Variants in HNF4G observed in about 807,000 individuals in gnomAD.
HNF4G encodes the protein hepatocyte nuclear factor 4 gamma.
A neutral mutation model predicts 50.9 loss-of-function variants in HNF4G; 21 were observed. The observed-to-expected ratio is 0.41, with a 90% CI of 0.29 to 0.59. The LOEUF (loss-of-function observed/expected upper bound fraction) is 0.59. Ranked by LOEUF, HNF4G falls within the 20% of genes least tolerant of loss-of-function variation. The pLI, the probability that HNF4G is intolerant of heterozygous loss-of-function variation, is 0.26. For synonymous variants in HNF4G, 198 were observed against 185.6 expected, an observed-to-expected ratio of 1.07 and a Z score of -0.54; for missense variants, 527 against 559.4, an observed-to-expected ratio of 0.94 and a Z score of 0.58.
chr8:75,527,203 G>T (rs543438503), intron 2 of HNF4G: 5 of 152,266 alleles, frequency 3.3e-5, no homozygotes, highest in African/African-American at 1.2e-4. Context: ...GAGCAAAACG[G>T]CTATGATGTG....
At chr8:75,408,955 A>G (rs1431316543) in intron 1 of HNF4G, among the ~76,000 whole-genome samples, 1 of 152,170 alleles carries the variant, frequency 6.6e-6, no homozygotes, top group Non-Finnish European at 1.5e-5. Context: ...TCTCTTTAGA[A>G]GCGGTTATTT....
At chr8:75,442,323 T>A (rs947925057) in intron 1 of HNF4G, among the ~76,000 whole-genome samples, 7 of 151,454 alleles carry the variant, frequency 4.6e-5, no homozygotes, top group Non-Finnish European at 1.0e-4. Flanking sequence ...TGAACACATA[T>A]TAAATATTCT....
intron 2 of HNF4G, among the ~76,000 whole-genome samples, chr8:75,533,784 CA>C (rs1236898874): frequency 4.6e-5 from 7 of 151,902 alleles, no homozygotes; most frequent in African/African-American, 1.7e-4. Flanking sequence ...AATCAAATAT[CA>C]CATTAAAATG....
chr8:75,454,218 A>T (rs1215876915), intron 1 of HNF4G, among the ~76,000 whole-genome samples: 2 of 152,052 alleles, frequency 1.3e-5, no homozygotes, highest in Admixed American at 1.3e-4. Context: ...ACCAGAACTC[A>T]ATTCTGCTAG....
In HNF4G at chr8:75,558,526, T is replaced by C. The variant is rs749484382; in HGVS notation, c.742T>C (p.Tyr248His). 4 of 1,609,682 alleles carry C rather than the reference T, an allele frequency of 2.5e-6. No individual in the cohort carries two copies. Among genetic ancestry groups the C allele is most frequent in the Middle Eastern group, 1.7e-4 (1 of 6,026 alleles). Residue 248 changes from tyrosine (Y) to histidine (H), a missense_variant, in exon 7 of 10, where the codon TAT becomes CAT. By Grantham distance (83) the Tyr-to-His change is moderately conservative. Around this residue, in one of 5 missense-constraint regions of HNF4G, gnomAD observed 308 missense variants for 301.5 expected, o/e 1.02. Coordinates refer to ENST00000396423, the MANE Select transcript of HNF4G (RefSeq NM_004133.5). ...TGTTTTCTCTCTCATAGGAAACAAC[T>C]ATGTTATTCACCGCAACAGCTGTGA... ...YKDILLLGNN[Y>H]VIHRNSCEVE...
At chr8:75,431,650 C>T (rs116877301) in intron 1 of HNF4G, among the ~76,000 whole-genome samples, 2,283 of 152,042 alleles carry the variant, frequency 0.015, 28 homozygotes, top group Middle Eastern at 0.034. Flanking sequence ...TGCTAAGGCC[C>T]GGCACAGTGG....
chr8:75,439,092 A>G (rs1811210136), intron 1 of HNF4G, among the ~76,000 whole-genome samples: 1 of 152,100 alleles, frequency 6.6e-6, no homozygotes, highest in African/African-American at 2.4e-5. Context: ...AATTACAAAC[A>G]ATCTTAAAAT....
chr8:75,439,901 G>A (rs1811235985), intron 1 of HNF4G, among the ~76,000 whole-genome samples: 1 of 151,754 alleles, frequency 6.6e-6, no homozygotes, highest in African/African-American at 2.4e-5. Flanking sequence ...TCTTGGTGAA[G>A]CAACCAGAAT....
chr8:75,531,367 A>G (rs2130766792), intron 2 of HNF4G, among the ~76,000 whole-genome samples: 2 of 152,312 alleles, frequency 1.3e-5, no homozygotes, highest in East Asian at 3.9e-4. Context: ...CCAAGTATCA[A>G]CAGTCAAATT....
At chr8:75,492,659 C>T (rs1012632805) in intron 2 of HNF4G, among the ~76,000 whole-genome samples, 9 of 152,192 alleles carry the variant, frequency 5.9e-5, no homozygotes, top group Middle Eastern at 3.4e-3. Flanking sequence ...AGAGAAGAAC[C>T]AAAGCCTAGA....
intron 1 of HNF4G, among the ~76,000 whole-genome samples, chr8:75,409,290 AT>A (rs1048709794): frequency 2.7e-4 from 41 of 152,038 alleles, no homozygotes; most frequent in African/African-American, 8.2e-4. Context: ...AAATAAGGAC[AT>A]TTTTCCAAAG....
intron 2 of HNF4G, among the ~76,000 whole-genome samples, chr8:75,519,803 G>A (rs1365836086): frequency 1.3e-5 from 2 of 151,720 alleles, no homozygotes; most frequent in African/African-American, 4.8e-5. Context: ...TATTTAAAGT[G>A]TGGTTTTGTA....
At chr8:75,438,010 A>G (rs1048665479) in intron 1 of HNF4G, among the ~76,000 whole-genome samples, 1 of 152,184 alleles carries the variant, frequency 6.6e-6, no homozygotes, top group African/African-American at 2.4e-5. Context: ...GAATATTCAT[A>G]ATATGTAATT....
chr8:75,445,079 C>A (rs1406117953), intron 1 of HNF4G, among the ~76,000 whole-genome samples: 25 of 146,772 alleles, frequency 1.7e-4, no homozygotes, highest in Non-Finnish European at 3.3e-4. Context: ...AACAAACTAT[C>A]TCTCAGACCA....
chr8:75,452,257 T>G lies in HNF4G; in HGVS notation c.-143-37832T>G, dbSNP rs765885189. On this transcript the variant is annotated intron_variant, in intron 1 of 10. Coordinates refer to the HNF4G transcript ENST00000354370. ...AATATTCATTGTTGGTATTATACCA[T>G]TTCTAGTGGTTACAGTAGTAATATT... is the stretch of plus-strand genomic sequence containing the variant. 5.3e-4 allele frequency among the ~76,000 whole-genome samples: 81 copies of G among 152,138 alleles called. 1 individual carries two copies. Among genetic ancestry groups the G allele is most frequent in the Non-Finnish European group, 9.0e-4 (61 of 68,010 alleles).
intron 2 of HNF4G, among the ~76,000 whole-genome samples, chr8:75,514,354 C>CTTTTTTTTTTCTTTTTTTTTTTTTTTT (rs1805837081): frequency 8.0e-6 from 1 of 125,036 alleles, no homozygotes; most frequent in African/African-American, 3.1e-5. Flanking sequence ...TTTCTTCTTT[C>CTTTTTTTTTTCTTTTTTTTTTTTTTTT]TTTTTTTTTT....
At chr8:75,444,083 G>A (rs1811360548) in intron 1 of HNF4G, among the ~76,000 whole-genome samples, 1 of 152,130 alleles carries the variant, frequency 6.6e-6, no homozygotes. Flanking sequence ...AGATCTCTCA[G>A]CAGAAACCCT....
intron 1 of HNF4G, among the ~76,000 whole-genome samples, chr8:75,431,697 G>T (rs1466332652): frequency 3.9e-5 from 6 of 151,978 alleles, no homozygotes; most frequent in Non-Finnish European, 7.4e-5. Context: ...GGAGGCTGAG[G>T]GGGGTGGATC....
In HNF4G at chr8:75,551,396, A is replaced by C. The variant is rs371075278; in HGVS notation, c.391A>C (p.Asn131His). The change falls in exon 4 of 10, where the codon AAT (asparagine) becomes CAT (histidine). Residue 131 changes from asparagine (N) to histidine (H), a missense_variant. By Grantham distance (68) the Asn-to-His change is moderately conservative. Transcript: ENST00000396423. Reference sequence around the variant, plus strand: ...GTGTTTTTTCCCCCTAGCTGTACAAAATGAACGTGACAGAATAAGCACCAG... The same window carrying C: ...GTGTTTTTTCCCCCTAGCTGTACAACATGAACGTGACAGAATAAGCACCAG... ...RAGMKKEAVQNERDRISTRRS... is the reference protein window; with the variant it reads ...RAGMKKEAVQHERDRISTRRS... The C allele has an allele frequency of 2.1e-5, 34 of 1,605,756 alleles. No individual in the cohort carries two copies. Among genetic ancestry groups the C allele is most frequent in the South Asian group, 3.3e-5 (3 of 90,904 alleles).
Sources: allele counts gnomAD v4.1 joint callset (sites outside exome capture counted in the v4.1 genomes callset), GRCh38; gene constraint gnomAD v4.1.1; regional missense constraint gnomAD v4.1.1; transcripts MANE v1.5; gene names NCBI Gene and HGNC (gene_info 2026-07-23, HGNC 2026-07-21).